PHACTR1: variants seen among roughly 807,000 people sequenced by gnomAD.
The protein encoded by PHACTR1 is RPEL repeat containing 1.
In PHACTR1, 16 loss-of-function variants were observed where a neutral mutation model predicts 69.2. The observed-to-expected ratio is 0.23, with a 90% confidence interval of 0.16 to 0.35. The LOEUF (loss-of-function observed/expected upper bound fraction) is 0.35, where lower values mean the gene tolerates loss of function less well. PHACTR1 is among the 10% of genes least tolerant of loss of function. The pLI is 1.00. For missense variants in PHACTR1, 510 were observed against 734.7 expected (o/e 0.69, Z 3.54); for synonymous variants, 312 against 284.5 (o/e 1.10, Z -0.97).
At chr6:12,771,360 A>G (rs1274601236) in intron 4 of PHACTR1, among the ~76,000 whole-genome samples, 2 of 152,216 alleles carry the variant, frequency 1.3e-5, no homozygotes, top group East Asian at 3.8e-4. Flanking sequence ...TTCAGAAATC[A>G]GAGAAGGGGG....
chr6:13,211,556 C>T (rs774749086), intron 8 of PHACTR1, among the ~76,000 whole-genome samples: 3 of 152,134 alleles, frequency 2.0e-5, no homozygotes, highest in Non-Finnish European at 4.4e-5. Flanking sequence ...TAATGGAATG[C>T]ACTTTAAAGA....
intron 10 of PHACTR1, among the ~76,000 whole-genome samples, chr6:13,258,350 G>A (rs1041897324): frequency 6.5e-5 from 8 of 122,920 alleles, no homozygotes; most frequent in Non-Finnish European, 1.1e-4. Context: ...GAGAGACACC[G>A]TCTTAAAAAA....
At position 12,995,165 on chromosome 6, in the gene PHACTR1, G is replaced by A. The variant is rs554029447; in HGVS notation, c.251-58200G>A. Among the ~76,000 whole-genome samples the A allele has an allele frequency of 8.6e-5, 13 of 151,846 alleles. No individual in the cohort carries two copies. The East Asian group carries it at 1.7e-3, about 20-fold the overall frequency. ...ACCTAAGTAACAGAGAGGGGTGATC[G>A]GATTTCAGCATTCTGGGCTTGTTCA... is the stretch of plus-strand genomic sequence containing the variant. On this transcript the variant is annotated intron_variant, in intron 4 of 14. Transcript: ENST00000332995.
At chr6:13,184,005 A>G (rs1426032245) in intron 7 of PHACTR1, among the ~76,000 whole-genome samples, 1 of 152,222 alleles carries the variant, frequency 6.6e-6, no homozygotes, top group Non-Finnish European at 1.5e-5. Context: ...GAATTGATAA[A>G]AGAAAACTAT....
intron 4 of PHACTR1, among the ~76,000 whole-genome samples, chr6:12,792,082 A>G (rs1224011338): frequency 4.6e-5 from 7 of 152,202 alleles, no homozygotes; most frequent in Non-Finnish European, 1.0e-4. Context: ...ATGTATGGAT[A>G]TGAAAGTAGA....
intron 5 of PHACTR1, among the ~76,000 whole-genome samples, chr6:13,155,471 A>G (rs1758040988): frequency 6.6e-6 from 1 of 152,140 alleles, no homozygotes; most frequent in African/African-American, 2.4e-5. Flanking sequence ...GTAAGTGTGC[A>G]TACACCTGCC....
At chr6:12,807,353 C>A (rs1183016082) in intron 4 of PHACTR1, among the ~76,000 whole-genome samples, 1 of 151,898 alleles carries the variant, frequency 6.6e-6, no homozygotes, top group Non-Finnish European at 1.5e-5. Flanking sequence ...TTAATTATTC[C>A]ATTTTCTTTT....
At chr6:12,828,116 G>A (rs1339567200) in intron 4 of PHACTR1, among the ~76,000 whole-genome samples, 3 of 152,328 alleles carry the variant, frequency 2.0e-5, no homozygotes, top group Middle Eastern at 3.4e-3. Flanking sequence ...CCAGTTGGCT[G>A]AGTGGGTAGG....
In PHACTR1 at chr6:13,281,491, T is replaced by C. The variant is rs187790189; in HGVS notation, c.1510-1931T>C. On this transcript the variant is annotated intron_variant, in intron 12 of 14. Transcript: ENST00000332995. Reference sequence around the variant, plus strand: ...GTTACTTGCACCCAAGAGGCGGAGGTTGCAGTGAGCCGAGATCATTGCACC... The same window carrying C: ...GTTACTTGCACCCAAGAGGCGGAGGCTGCAGTGAGCCGAGATCATTGCACC... 32 of 328,084 alleles carry C rather than the reference T, an allele frequency of 9.8e-5. 1 individual carries two copies. Among genetic ancestry groups the C allele is most frequent in the African/African-American group, 5.1e-4 (23 of 45,394 alleles). The allele number at this position is 328,084 out of a possible 1,614,324, so 20.3% of individuals were successfully genotyped here.
intron 4 of PHACTR1, among the ~76,000 whole-genome samples, chr6:12,938,600 A>C (rs1789729714): frequency 6.6e-6 from 1 of 152,168 alleles, no homozygotes; most frequent in African/African-American, 2.4e-5. Flanking sequence ...TATTTCAGGC[A>C]TATAATTTGA....
chr6:13,102,775 A>T (rs1448103533), intron 5 of PHACTR1, among the ~76,000 whole-genome samples: 3 of 152,174 alleles, frequency 2.0e-5, no homozygotes, highest in African/African-American at 7.2e-5. Flanking sequence ...CTCACAAAAC[A>T]TCCTGGTGTG....
At chr6:12,921,161 G>T (rs1222915955) in intron 4 of PHACTR1, among the ~76,000 whole-genome samples, 1 of 152,200 alleles carries the variant, frequency 6.6e-6, no homozygotes, top group African/African-American at 2.4e-5. Context: ...CCCTAAGCTT[G>T]TCACTTGCTT....
chr6:12,867,506 G>A (rs55976410), intron 4 of PHACTR1, among the ~76,000 whole-genome samples: 2,268 of 152,262 alleles, frequency 0.015, 53 homozygotes, highest in African/African-American at 0.05. Flanking sequence ...TTCATTGAAA[G>A]TGAGAATGAG....
chr6:12,928,985 T>C (rs1788584677), intron 4 of PHACTR1, among the ~76,000 whole-genome samples: 1 of 152,112 alleles, frequency 6.6e-6, no homozygotes, highest in Non-Finnish European at 1.5e-5. Flanking sequence ...TTTTCAAAGA[T>C]CTCCAGGCAA....
At chr6:12,880,948 AGAAAT>A (rs1006550474) in intron 4 of PHACTR1, among the ~76,000 whole-genome samples, 45 of 152,090 alleles carry the variant, frequency 3.0e-4, no homozygotes, top group African/African-American at 1.0e-3. Context: ...TTTTTAAAAA[AGAAAT>A]GAAATGGCGT....
chr6:12,994,158 A>T (rs1797133762), intron 4 of PHACTR1, among the ~76,000 whole-genome samples: 1 of 152,198 alleles, frequency 6.6e-6, no homozygotes, highest in Non-Finnish European at 1.5e-5. Flanking sequence ...AGCACAGTGG[A>T]CACAGCCAAA....
At chr6:13,267,640 C>T (rs1442622071) in intron 10 of PHACTR1, 1 of 152,112 alleles carries the variant, frequency 6.6e-6, no homozygotes, top group African/African-American at 2.4e-5. Context: ...CCAGTTTTAC[C>T]TTGCACATTG....
chr6:12,759,413 G>A (rs975853224), intron 4 of PHACTR1, among the ~76,000 whole-genome samples: 8 of 149,068 alleles, frequency 5.4e-5, no homozygotes, highest in African/African-American at 2.0e-4. Context: ...ATTTCTCGGG[G>A]CTAATCCTAA....
intron 4 of PHACTR1, among the ~76,000 whole-genome samples, chr6:12,750,813 T>C (rs899445498): frequency 1.3e-5 from 2 of 152,250 alleles, no homozygotes; most frequent in African/African-American, 2.4e-5. Context: ...GCTTCCATCC[T>C]AGTTTGTTTT....
Sources: gnomAD v4.1 joint callset for allele counts (sites outside exome capture counted in the v4.1 genomes callset) on GRCh38, gnomAD v4.1.1 for gene constraint, MANE v1.5 for transcripts, NCBI Gene and HGNC (gene_info 2026-07-23, HGNC 2026-07-21) for gene names.